SPECC1: variants seen among roughly 807,000 people sequenced by gnomAD.
The protein encoded by SPECC1 is cytospin-B.
Under a neutral mutation model 104.1 loss-of-function variants are expected in SPECC1, and 62 were observed. The ratio of observed to expected loss-of-function variants is 0.60; its 90% CI spans 0.49 to 0.74. SPECC1 has a LOEUF of 0.74. Among genes scored for constraint, SPECC1 ranks in the 30% least tolerant of loss-of-function variants. The pLI, the probability that SPECC1 is intolerant of heterozygous loss-of-function variation, is 0.00. For synonymous variants in SPECC1, 513 were observed against 501.6 expected, an observed-to-expected ratio of 1.02 and a Z score of -0.30; for missense variants, 1,306 against 1,310.5, an observed-to-expected ratio of 1.00 and a Z score of 0.05.
intron 1 of SPECC1, among the ~76,000 whole-genome samples, chr17:20,010,743 T>C (rs1271362226): frequency 6.6e-6 from 1 of 152,256 alleles, no homozygotes; most frequent in African/African-American, 2.4e-5. Context: ...GCTGCAGTGT[T>C]GACTATTGAG....
chr17:20,242,710 G>C (rs540073992), intron 7 of SPECC1, among the ~76,000 whole-genome samples: 1 of 152,124 alleles, frequency 6.6e-6, no homozygotes, highest in Non-Finnish European at 1.5e-5. Context: ...TGAGAAATGC[G>C]TGGCCAGAGC....
intron 8 of SPECC1, among the ~76,000 whole-genome samples, 180 bp downstream of exon 8, chr17:20,246,251 C>G (rs1203131300): frequency 2.0e-5 from 3 of 152,216 alleles, no homozygotes; most frequent in Admixed American, 2.0e-4. Flanking sequence ...CAGGGAGGCA[C>G]TGATGGAGAG....
intron 3 of SPECC1, among the ~76,000 whole-genome samples, chr17:20,121,036 T>C (rs1041659039): frequency 7.2e-5 from 11 of 152,202 alleles, no homozygotes; most frequent in Non-Finnish European, 1.2e-4. Flanking sequence ...TATGCTGTTC[T>C]CTGGGGCTAT....
chr17:20,217,981 G>A (rs879060666), intron 4 of SPECC1, among the ~76,000 whole-genome samples: 19 of 152,264 alleles, frequency 1.2e-4, no homozygotes, highest in East Asian at 7.7e-4. Flanking sequence ...GCAATGACCC[G>A]TGATCGTGCC....
chr17:20,017,155 T>C (rs890509686), intron 1 of SPECC1: 1 of 152,326 alleles, frequency 6.6e-6, no homozygotes, highest in Non-Finnish European at 1.5e-5. Flanking sequence ...GGTAACGTGC[T>C]GCGGTCGCAT....
intron 12 of SPECC1, among the ~76,000 whole-genome samples, chr17:20,269,498 T>C (rs1200358690): frequency 6.6e-6 from 1 of 152,178 alleles, no homozygotes; most frequent in Non-Finnish European, 1.5e-5. Flanking sequence ...CCATCTCGGC[T>C]CACCACAACC....
intron 1 of SPECC1, among the ~76,000 whole-genome samples, chr17:20,011,208 C>A (rs2043930932): frequency 1.3e-5 from 2 of 152,152 alleles, no homozygotes; most frequent in Non-Finnish European, 2.9e-5. Context: ...TTATCTGTTC[C>A]CTCAAGTTTG....
At chr17:20,276,608 C>G (rs761805414) in intron 12 of SPECC1, among the ~76,000 whole-genome samples, 3 of 152,198 alleles carry the variant, frequency 2.0e-5, no homozygotes, top group Admixed American at 6.5e-5. Context: ...CTCTTGCTGG[C>G]TTCCTTCTTA....
At chr17:20,091,327 G>A (rs2047392027) in intron 1 of SPECC1, among the ~76,000 whole-genome samples, 1 of 152,188 alleles carries the variant, frequency 6.6e-6, no homozygotes, top group Admixed American at 6.5e-5. Flanking sequence ...CAGTGTTAAT[G>A]TTTCCATGTT....
chr17:20,210,774 G>A (rs544621196), intron 4 of SPECC1, among the ~76,000 whole-genome samples: 2 of 152,086 alleles, frequency 1.3e-5, no homozygotes, highest in African/African-American at 4.8e-5. Context: ...ACATGGCTTC[G>A]CCCAGTGCCC....
At chr17:20,045,884 TC>T (rs2045520334) in intron 1 of SPECC1, among the ~76,000 whole-genome samples, 1 of 152,192 alleles carries the variant, frequency 6.6e-6, no homozygotes, top group South Asian at 2.1e-4. Context: ...ACTCTTGTTT[TC>T]AACTGGAAAC....
chr17:20,065,443 C>T (rs1236684794), intron 1 of SPECC1, among the ~76,000 whole-genome samples: 2 of 152,210 alleles, frequency 1.3e-5, no homozygotes, highest in Non-Finnish European at 2.9e-5. Context: ...CTCAGGGCAA[C>T]ACTAACTTAC....
chr17:20,294,410 G>A (rs1187898079), intron 12 of SPECC1, among the ~76,000 whole-genome samples: 1 of 152,198 alleles, frequency 6.6e-6, no homozygotes, highest in Non-Finnish European at 1.5e-5. Flanking sequence ...TGCTGACGGG[G>A]CTGCTGAACA....
At chr17:20,198,003 C>G (rs1450594022) in intron 3 of SPECC1, among the ~76,000 whole-genome samples, 2 of 152,198 alleles carry the variant, frequency 1.3e-5, no homozygotes, top group Non-Finnish European at 2.9e-5. Flanking sequence ...GAAATTCTTA[C>G]CCTTTGGCCA....
At chr17:20,265,886 A>G (rs1178518129) in intron 12 of SPECC1, among the ~76,000 whole-genome samples, 2 of 152,130 alleles carry the variant, frequency 1.3e-5, no homozygotes, top group Non-Finnish European at 2.9e-5. Context: ...CAAAGATCAG[A>G]TGATTATAGG....
chr17:20,307,692 A>G (rs965162853), intron 14 of SPECC1, among the ~76,000 whole-genome samples: 1 of 150,918 alleles, frequency 6.6e-6, no homozygotes, highest in East Asian at 1.9e-4. Flanking sequence ...AGACAGGGAC[A>G]AAAAAAATCA....
intron 4 of SPECC1, among the ~76,000 whole-genome samples, chr17:20,220,729 G>C (rs2037822966): frequency 6.6e-6 from 1 of 152,112 alleles, no homozygotes; most frequent in Admixed American, 6.5e-5. Context: ...AATAACAGTG[G>C]TGACAGTGGG....
chr17:20,234,990 T>G (rs1238165770), intron 7 of SPECC1, among the ~76,000 whole-genome samples: 1 of 152,262 alleles, frequency 6.6e-6, no homozygotes. Flanking sequence ...ATCTTTGCAG[T>G]CAACCAGCAA....
Position 20,245,919 on chromosome 17 carries a change from C to T in SPECC1, c.2352-7C>T. 6.2e-7 allele frequency: 1 copy of T among 1,613,852 alleles called. No individual in the cohort carries two copies. Among genetic ancestry groups the T allele is most frequent in the Non-Finnish European group, 8.5e-7 (1 of 1,179,886 alleles). ...CTTTTCAATCTGATTTGCTCTTTGC[C>T]ATGCAGACCTGTGGATGAAGAGCCA... is the stretch of plus-strand genomic sequence containing the variant. On this transcript the variant is annotated splice_polypyrimidine_tract_variant and splice_region_variant and intron_variant, in intron 7 of 14. Coordinates refer to ENST00000395527, the MANE Select transcript of SPECC1 (RefSeq NM_001243439.2).
Sources: allele counts gnomAD v4.1 joint callset (sites outside exome capture counted in the v4.1 genomes callset), GRCh38; gene constraint gnomAD v4.1.1; transcripts MANE v1.5; gene names NCBI Gene and HGNC (gene_info 2026-07-23, HGNC 2026-07-21).